The following ESR1 variants were observed in gnomAD, a reference collection of about 807,000 sequenced individuals.
The protein encoded by ESR1 is estrogen receptor 1.
Under a neutral mutation model 52.7 loss-of-function variants are expected in ESR1, and 12 were observed. The ratio of observed to expected loss-of-function variants is 0.23; its 90% CI spans 0.15 to 0.37. The LOEUF is 0.37. Among genes scored for constraint, ESR1 ranks in the 10% least tolerant of loss-of-function variants. ESR1 has a pLI of 1.00. For missense variants in ESR1, 584 were observed against 779.7 expected (o/e 0.75, Z 2.99); for synonymous variants, 305 against 316.8 (o/e 0.96, Z 0.39).
At chr6:152,031,570 C>T (rs943859447) in intron 5 of ESR1, among the ~76,000 whole-genome samples, 4 of 152,006 alleles carry the variant, frequency 2.6e-5, no homozygotes, top group African/African-American at 9.7e-5. Flanking sequence ...ACACATACAC[C>T]CTCCCAAGAC....
chr6:151,772,119 G>GTT (rs1358513890), intron 2 of ESR1, among the ~76,000 whole-genome samples: 1 of 152,180 alleles, frequency 6.6e-6, no homozygotes, highest in African/African-American at 2.4e-5. Flanking sequence ...AGCAATGTGG[G>GTT]TTTCTAACAG....
At chr6:151,669,148 GA>G (rs1777941236) in intron 1 of ESR1, among the ~76,000 whole-genome samples, 2 of 54,112 alleles carry the variant, frequency 3.7e-5, no homozygotes, top group African/African-American at 1.8e-4. Flanking sequence ...TGGGAGCTGG[GA>G]GAGAGAGAGA....
intron 2 of ESR1, among the ~76,000 whole-genome samples, chr6:151,713,102 G>A (rs181756311): frequency 2.3e-4 from 35 of 152,182 alleles, no homozygotes; most frequent in Non-Finnish European, 4.1e-4. Context: ...TAATCATGTG[G>A]TTTTTGTCAT....
chr6:151,820,938 A>C (rs1248556539), intron 1 of ESR1, among the ~76,000 whole-genome samples: 1 of 152,214 alleles, frequency 6.6e-6, no homozygotes, highest in Non-Finnish European at 1.5e-5. Flanking sequence ...GTAAAATTGT[A>C]GTGTAATTTG....
intron 5 of ESR1, among the ~76,000 whole-genome samples, chr6:152,014,100 C>T (rs889167873): frequency 2.6e-5 from 4 of 152,264 alleles, no homozygotes; most frequent in South Asian, 2.1e-4. Flanking sequence ...CTCTCTTCCC[C>T]GTTGCCATGA....
chr6:152,056,139 T>C (rs950892798), intron 5 of ESR1, among the ~76,000 whole-genome samples: 18 of 152,208 alleles, frequency 1.2e-4, no homozygotes, highest in African/African-American at 3.9e-4. Flanking sequence ...TCACTTACAA[T>C]TTCCATCTTC....
intron 3 of ESR1, among the ~76,000 whole-genome samples, chr6:151,899,932 G>T (rs1272400091): frequency 6.7e-6 from 1 of 149,906 alleles, no homozygotes; most frequent in Non-Finnish European, 1.5e-5. Context: ...CAGGCAGAGG[G>T]GCTCCTCACA....
chr6:151,825,803 C>G (rs117431601), intron 1 of ESR1, among the ~76,000 whole-genome samples: 1 of 144,996 alleles, frequency 6.9e-6, no homozygotes, highest in Non-Finnish European at 1.5e-5. Context: ...TCGAGCTCTT[C>G]GGGAGGCTGA....
chr6:151,867,036 T>C (rs1265716162), intron 2 of ESR1, among the ~76,000 whole-genome samples: 1 of 152,160 alleles, frequency 6.6e-6, no homozygotes, highest in African/African-American at 2.4e-5. Context: ...ATTTAATAAA[T>C]GGTGTTGGGA....
intron 4 of ESR1, among the ~76,000 whole-genome samples, chr6:151,970,672 T>G (rs1372922634): frequency 1.3e-5 from 2 of 152,184 alleles, no homozygotes; most frequent in Non-Finnish European, 2.9e-5. Context: ...CTCCTGTGCT[T>G]GAAAGCTTCT....
chr6:151,776,214 T>TG (rs752559814), intron 2 of ESR1, among the ~76,000 whole-genome samples: 3 of 152,102 alleles, frequency 2.0e-5, no homozygotes, highest in Non-Finnish European at 2.9e-5. Flanking sequence ...GTGAATAGAC[T>TG]GGGGACATAG....
At chr6:151,882,854 G>C (rs919279036) in intron 3 of ESR1, among the ~76,000 whole-genome samples, 2 of 151,502 alleles carry the variant, frequency 1.3e-5, no homozygotes, top group Non-Finnish European at 2.9e-5. Flanking sequence ...ATTCATATAT[G>C]CAAAGACATA....
intron 2 of ESR1, among the ~76,000 whole-genome samples, chr6:151,756,969 G>A (rs1583149173): frequency 6.6e-6 from 1 of 152,052 alleles, no homozygotes; most frequent in Admixed American, 6.5e-5. Flanking sequence ...CAGCCTGGGC[G>A]ACAGAGCGAG....
intron 6 of ESR1, chr6:152,122,219 T>G: frequency 1.4e-6 from 1 of 706,252 alleles, no homozygotes; most frequent in East Asian, 2.9e-5. Context: ...CAAACCAGAT[T>G]TCTTCCAAAC....
chr6:151,658,427 G>C (rs1777530138), intron 1 of ESR1, among the ~76,000 whole-genome samples: 1 of 152,070 alleles, frequency 6.6e-6, no homozygotes, highest in Non-Finnish European at 1.5e-5. Context: ...TTGCTGTTTT[G>C]TTAAAATCAT....
intron 5 of ESR1, among the ~76,000 whole-genome samples, chr6:152,042,997 A>G (rs1337569465): frequency 6.6e-6 from 1 of 152,196 alleles, no homozygotes; most frequent in Non-Finnish European, 1.5e-5. Context: ...CATGCAGAGA[A>G]GAGCAATCAC....
chr6:151,964,937 C>T (rs1429186919), intron 4 of ESR1, among the ~76,000 whole-genome samples: 1 of 152,140 alleles, frequency 6.6e-6, no homozygotes, highest in Non-Finnish European at 1.5e-5. Flanking sequence ...CCACCGCGCC[C>T]GGCCCCTATT....
At position 152,011,317 on chromosome 6, in the gene ESR1, G is replaced by A. The variant is rs112134606; in HGVS notation, c.1097-339G>A. On this transcript the variant is annotated intron_variant, in intron 4 of 7. Transcript: ENST00000206249. ...CATCTTCTACTCAAACAGAAATGAG[G>A]AACAGTCACAGGTTACTATTATAGC... 3.4e-4 allele frequency among the ~76,000 whole-genome samples: 51 copies of A among 152,218 alleles called. 1 individual carries two copies. The highest frequency in any genetic ancestry group is 1.2e-3 in the African/African-American group (49 of 41,554).
intron 1 of ESR1, among the ~76,000 whole-genome samples, chr6:151,670,121 C>T (rs1051333900): frequency 6.6e-6 from 1 of 152,200 alleles, no homozygotes; most frequent in Non-Finnish European, 1.5e-5. Context: ...CATTCTCCCC[C>T]GCTGCCATTT....
Sources: gnomAD v4.1 joint callset for allele counts (sites outside exome capture counted in the v4.1 genomes callset) on GRCh38, gnomAD v4.1.1 for gene constraint, MANE v1.5 for transcripts, NCBI Gene and HGNC (gene_info 2026-07-23, HGNC 2026-07-21) for gene names.